CSMD1: variants seen among roughly 807,000 people sequenced by gnomAD.
CSMD1 encodes the protein CUB and Sushi multiple domains 1, also known as CUB and sushi domain-containing protein 1.
Under a neutral mutation model 417.5 loss-of-function variants are expected in CSMD1, and 213 were observed. The observed-to-expected ratio is 0.51, with a 90% CI of 0.46 to 0.57. CSMD1 has a LOEUF of 0.57. CSMD1 is among the 20% of genes least tolerant of loss of function. The probability of loss-of-function intolerance (pLI) is 0.00; values close to 1 mark genes in which losing one functional copy is unlikely to be tolerated. For synonymous variants in CSMD1, 2,862 were observed against 1,736.8 expected, an observed-to-expected ratio of 1.65 and a Z score of -16.11; for missense variants, 6,923 against 4,529.7, an observed-to-expected ratio of 1.53 and a Z score of -15.17.
At chr8:3,642,299 C>T (rs948356514) in intron 7 of CSMD1, among the ~76,000 whole-genome samples, 2 of 152,054 alleles carry the variant, frequency 1.3e-5, no homozygotes, top group African/African-American at 2.4e-5. Context: ...AAAAAGAGAT[C>T]AGAAAGAGTG....
At chr8:3,394,457 G>A (rs572908617) in intron 17 of CSMD1, among the ~76,000 whole-genome samples, 25 of 151,924 alleles carry the variant, frequency 1.6e-4, no homozygotes, top group African/African-American at 5.8e-4. Context: ...TTAGCCTTTG[G>A]AACACATTCC....
At chr8:4,637,831 C>T (rs1183366549) in intron 1 of CSMD1, among the ~76,000 whole-genome samples, 5 of 151,458 alleles carry the variant, frequency 3.3e-5, no homozygotes, top group South Asian at 2.1e-4. Flanking sequence ...CCACCGCGCC[C>T]GGCTAATTTT....
chr8:4,924,596 C>A (rs902109862), intron 1 of CSMD1, among the ~76,000 whole-genome samples: 1 of 151,852 alleles, frequency 6.6e-6, no homozygotes, highest in East Asian at 1.9e-4. Context: ...GTGGCCCGTG[C>A]CTGTAATCCC....
At chr8:4,714,360 T>C (rs1236536833) in intron 1 of CSMD1, among the ~76,000 whole-genome samples, 3 of 152,112 alleles carry the variant, frequency 2.0e-5, no homozygotes. Context: ...GGTCAAGAAT[T>C]TAAATTAATA....
intron 1 of CSMD1, among the ~76,000 whole-genome samples, chr8:4,743,399 G>C (rs74664460): frequency 3.3e-5 from 5 of 152,146 alleles, no homozygotes; most frequent in East Asian, 3.9e-4. Context: ...ATGAAACACA[G>C]GGAGTGGTAT....
At chr8:4,403,270 A>T (rs1360967736) in intron 3 of CSMD1, among the ~76,000 whole-genome samples, 2 of 152,198 alleles carry the variant, frequency 1.3e-5, no homozygotes, top group East Asian at 1.9e-4. Context: ...AACAGTCAAC[A>T]ATGAACATAA....
At chr8:4,451,720 T>A (rs1334669140) in intron 2 of CSMD1, among the ~76,000 whole-genome samples, 44 of 151,998 alleles carry the variant, frequency 2.9e-4, no homozygotes, top group Admixed American at 2.9e-3. Flanking sequence ...TTTTTAAAAT[T>A]AAAACAAATT....
rs570352840 is a variant in CSMD1 at position 4,858,621 on chromosome 8, A to G, written c.85+135711T>C. ...TCACAAGCATTCTTATACACCAACA[A>G]CAGACAAACAGAGAGCCAAATCACG... On this transcript the variant is annotated intron_variant, in intron 1 of 69. Coordinates refer to ENST00000635120, the MANE Select transcript of CSMD1 (RefSeq NM_033225.6). Among the ~76,000 whole-genome samples, 4 of 152,202 alleles carry G rather than the reference A, an allele frequency of 2.6e-5. No homozygotes were observed. The South Asian group carries it at 6.2e-4, about 24-fold the overall frequency.
chr8:4,568,603 T>G (rs536646719), intron 2 of CSMD1, among the ~76,000 whole-genome samples: 5 of 152,164 alleles, frequency 3.3e-5, no homozygotes, highest in Non-Finnish European at 5.9e-5. Flanking sequence ...ATCTTCATAA[T>G]AGAAAGATGT....
chr8:4,795,316 G>C (rs1029172792), intron 1 of CSMD1, among the ~76,000 whole-genome samples: 2 of 115,452 alleles, frequency 1.7e-5, no homozygotes, highest in African/African-American at 6.5e-5. Flanking sequence ...CTGTCGCCTA[G>C]GCTGGAGTGC....
intron 49 of CSMD1, among the ~76,000 whole-genome samples, chr8:3,083,171 A>T (rs190211774): frequency 6.6e-6 from 1 of 152,238 alleles, no homozygotes; most frequent in Admixed American, 6.5e-5. Flanking sequence ...ATTCTTCCTT[A>T]TATATTAACT....
At chr8:3,322,596 A>G (rs921209163) in intron 23 of CSMD1, among the ~76,000 whole-genome samples, 3 of 152,166 alleles carry the variant, frequency 2.0e-5, no homozygotes, top group African/African-American at 4.8e-5. Context: ...GCCAGAATGT[A>G]TAATGCACCA....
intron 15 of CSMD1, among the ~76,000 whole-genome samples, chr8:3,402,786 G>A (rs1231527038): frequency 6.6e-6 from 1 of 151,896 alleles, no homozygotes; most frequent in African/African-American, 2.4e-5. Context: ...GCTTTAAATT[G>A]TTTATAACAC....
At chr8:3,870,735 C>T (rs375890637) in intron 5 of CSMD1, among the ~76,000 whole-genome samples, 1 of 151,956 alleles carries the variant, frequency 6.6e-6, no homozygotes, top group Non-Finnish European at 1.5e-5. Flanking sequence ...TGTTAATGTC[C>T]TATGGCCATT....
chr8:2,949,148 A>T (rs893125719), intron 68 of CSMD1, 151 bp downstream of exon 68: 3 of 547,436 alleles, frequency 5.5e-6, no homozygotes, highest in Admixed American at 3.6e-5. Flanking sequence ...ATTCAAAATA[A>T]TTTTTTTTCA....
At chr8:4,590,268 A>G (rs2130729417) in intron 2 of CSMD1, among the ~76,000 whole-genome samples, 1 of 152,150 alleles carries the variant, frequency 6.6e-6, no homozygotes, top group East Asian at 1.9e-4. Context: ...AGAGATGGTG[A>G]CCATGGGGAC....
chr8:3,675,155 C>A (rs1799307945), intron 7 of CSMD1, among the ~76,000 whole-genome samples: 1 of 152,168 alleles, frequency 6.6e-6, no homozygotes, highest in Non-Finnish European at 1.5e-5. Flanking sequence ...GTGCCACTTT[C>A]TCCACATGTC....
At chr8:4,322,611 A>T (rs1222121882) in intron 3 of CSMD1, among the ~76,000 whole-genome samples, 1 of 152,222 alleles carries the variant, frequency 6.6e-6, no homozygotes, top group African/African-American at 2.4e-5. Flanking sequence ...TTGTAGAAGC[A>T]GAAAAATGCT....
chr8:3,181,065 C>T (rs1180013491), intron 37 of CSMD1, 45 bp downstream of exon 37: 6 of 1,157,326 alleles, frequency 5.2e-6, no homozygotes, highest in Non-Finnish European at 6.4e-6. Flanking sequence ...AAAAAAATGA[C>T]TCAGTATAAC....
Sources: allele counts gnomAD v4.1 joint callset (sites outside exome capture counted in the v4.1 genomes callset), GRCh38; gene constraint gnomAD v4.1.1; transcripts MANE v1.5; gene names NCBI Gene and HGNC (gene_info 2026-07-23, HGNC 2026-07-21).